The following STRN variants were observed in gnomAD, a reference collection of about 807,000 sequenced individuals.
STRN encodes striatin, also known as protein phosphatase 2 regulatory subunit B'''alpha.
Under a neutral mutation model 96.3 loss-of-function variants are expected in STRN, and 53 were observed. That is an observed-to-expected ratio of 0.55 (90% CI 0.44 to 0.69). The LOEUF (loss-of-function observed/expected upper bound fraction) is 0.69. Ranked by LOEUF, STRN falls within the 30% of genes least tolerant of loss-of-function variation. The pLI, the probability that STRN is intolerant of heterozygous loss-of-function variation, is 0.00. For missense variants in STRN, 987 were observed against 963.9 expected (o/e 1.02, Z -0.32); for synonymous variants, 428 against 355.9 (o/e 1.20, Z -2.28).
intron 1 of STRN, among the ~76,000 whole-genome samples, chr2:36,928,789 A>G (rs1670489981): frequency 6.9e-6 from 1 of 144,552 alleles, no homozygotes; most frequent in African/African-American, 2.6e-5. Flanking sequence ...CTAAAAATAC[A>G]AAAAAAAAAA....
intron 1 of STRN, among the ~76,000 whole-genome samples, chr2:36,947,235 T>A (rs1411533541): frequency 6.6e-6 from 1 of 152,110 alleles, no homozygotes; most frequent in Non-Finnish European, 1.5e-5. Flanking sequence ...AATAAATTCC[T>A]TAACTAGGAA....
intron 3 of STRN, among the ~76,000 whole-genome samples, chr2:36,909,763 A>G (rs1021035783): frequency 6.6e-6 from 1 of 152,244 alleles, no homozygotes; most frequent in African/African-American, 2.4e-5. Flanking sequence ...TTTAGAACCA[A>G]TGATAAAGAG....
At chr2:36,962,409 T>A (rs1665049881) in intron 1 of STRN, among the ~76,000 whole-genome samples, 1 of 152,172 alleles carries the variant, frequency 6.6e-6, no homozygotes, top group South Asian at 2.1e-4. Context: ...TTTATTTACA[T>A]GCCTGCTTTC....
intron 2 of STRN, among the ~76,000 whole-genome samples, chr2:36,924,351 G>C (rs1302830623): frequency 1.4e-5 from 1 of 73,758 alleles, no homozygotes. Context: ...GTGAGACTCC[G>C]TTTCAAAAAA....
At chr2:36,928,659 A>G (rs1163282794) in intron 1 of STRN, among the ~76,000 whole-genome samples, 1 of 147,462 alleles carries the variant, frequency 6.8e-6, no homozygotes, top group Non-Finnish European at 1.5e-5. Context: ...CTTAAAAAAA[A>G]AAAGGCAGGG....
intron 10 of STRN, among the ~76,000 whole-genome samples, chr2:36,870,265 T>C (rs908578743): frequency 6.7e-6 from 1 of 150,204 alleles, no homozygotes; most frequent in Non-Finnish European, 1.5e-5. Flanking sequence ...ACACATGTTC[T>C]TTCCCTCCAT....
chr2:36,925,688 G>C (rs1670390423), intron 1 of STRN, among the ~76,000 whole-genome samples: 1 of 152,086 alleles, frequency 6.6e-6, no homozygotes, highest in Non-Finnish European at 1.5e-5. Context: ...CAGGAGAATT[G>C]CTTGAACCCA....
At chr2:36,919,599 C>G (rs1670197132) in intron 2 of STRN, among the ~76,000 whole-genome samples, 1 of 152,058 alleles carries the variant, frequency 6.6e-6, no homozygotes, top group Non-Finnish European at 1.5e-5. Context: ...AAGAACTTTA[C>G]TAAGAACGTG....
At chr2:36,864,825 G>A (rs1668581004) in intron 12 of STRN, among the ~76,000 whole-genome samples, 1 of 152,146 alleles carries the variant, frequency 6.6e-6, no homozygotes, top group Non-Finnish European at 1.5e-5. Context: ...TGATTCTCCT[G>A]CCTCAGCCTC....
rs192361524 is a variant in STRN at position 36,942,826 on chromosome 2, G to C, written c.235-17618C>G. ...TTCTGATGACTCAGCCTTCTGAGTA[G>C]CTGGGATTACAGGCACGCAACACCA... On this transcript the variant is annotated intron_variant, in intron 1 of 17. Coordinates refer to ENST00000263918, the MANE Select transcript of STRN (RefSeq NM_003162.4). 6.2e-3 allele frequency among the ~76,000 whole-genome samples: 948 copies of C among 152,184 alleles called. 9 individuals carry two copies. Among genetic ancestry groups the C allele is most frequent in the African/African-American group, 0.02 (847 of 41,522 alleles).
At chr2:36,959,782 A>G (rs1348229454) in intron 1 of STRN, among the ~76,000 whole-genome samples, 1 of 152,202 alleles carries the variant, frequency 6.6e-6, no homozygotes, top group East Asian at 1.9e-4. Flanking sequence ...AACAGAAAAA[A>G]ACAACTAAAG....
In STRN at chr2:36,923,182, G is replaced by A. The variant is rs1326506517; in HGVS notation, c.338+1923C>T. On this transcript the variant is annotated intron_variant, in intron 2 of 17. Transcript: ENST00000263918. ...CTCAAATACTCGGCCAGGTACATTC[G>A]CTCACGCCTGTAATCCCAGCACTTT... Among the ~76,000 whole-genome samples, 8 of 149,666 alleles carry A rather than the reference G, an allele frequency of 5.3e-5. No homozygotes were observed. In the East Asian group the frequency reaches 1.4e-3, roughly 26 times the overall value.
chr2:36,930,799 G>A (rs1188879791), intron 1 of STRN, among the ~76,000 whole-genome samples: 4 of 152,104 alleles, frequency 2.6e-5, no homozygotes, highest in South Asian at 2.1e-4. Context: ...TTGGGAGGCC[G>A]AGACGGGTGG....
chr2:36,845,648 C>G lies in STRN; in HGVS notation c.*3808G>C, dbSNP rs903475769. 6.6e-6 allele frequency: 1 copy of G among 151,992 alleles called. No homozygotes were observed. The highest frequency in any genetic ancestry group is 2.1e-4 in the South Asian group (1 of 4,798). The allele number at this position is 151,992 out of a possible 1,614,324, so 9.4% of individuals were successfully genotyped here. On this transcript the variant is annotated 3_prime_UTR_variant, in exon 18 of 18. Transcript: ENST00000263918. ...TTACTTAGCCAACATTAATGAGATC[C>G]CATAATTTTGGTGAACAAATAATTT...
In STRN at chr2:36,948,081, C is replaced by CTTTTTTT. The variant is rs553351693; in HGVS notation, c.234+18142_234+18148dup. 1.1e-3 allele frequency among the ~76,000 whole-genome samples: 78 copies of CTTTTTTT among 68,138 alleles called. 16 individuals carry two copies. The highest frequency in any genetic ancestry group is 1.4e-3 in the African/African-American group (22 of 15,886). 44.7% of individuals were successfully genotyped at this position (68,138 alleles called of 152,430 possible). ...TCTCCTCTATAATTATCAGTGCACTCTTTTTTTTTTTTTTTTTTTTTTTTT... is the reference window on the plus strand; with the variant it reads ...TCTCCTCTATAATTATCAGTGCACTCTTTTTTTTTTTTTTTTTTTTTTTTTTTTTTTT... On this transcript the variant is annotated intron_variant, in intron 1 of 17. Transcript: ENST00000263918.
intron 10 of STRN, among the ~76,000 whole-genome samples, chr2:36,875,711 C>A (rs140693643): frequency 6.8e-6 from 1 of 147,470 alleles, no homozygotes; most frequent in Non-Finnish European, 1.5e-5. Context: ...CGCTGGAGTG[C>A]GGTGGCGCAA....
chr2:36,951,722 T>C (rs1329121421), intron 1 of STRN, among the ~76,000 whole-genome samples: 1 of 152,112 alleles, frequency 6.6e-6, no homozygotes, highest in African/African-American at 2.4e-5. Context: ...CTTAGAGAAA[T>C]AAAAATGCCC....
chr2:36,888,562 A>G (rs1157652971), intron 7 of STRN, among the ~76,000 whole-genome samples: 1 of 151,414 alleles, frequency 6.6e-6, no homozygotes, highest in Non-Finnish European at 1.5e-5. Context: ...CAATTCCCTC[A>G]TCACGTCTTT....
Position 36,886,714 on chromosome 2 carries a change from A to T in STRN, c.1042+2T>A. ...TTTACAGATACAATGTTTTCCACTTACTCTTCACCCCCTTTTTCCCCTTTC... is the reference window on the plus strand; with the variant it reads ...TTTACAGATACAATGTTTTCCACTTTCTCTTCACCCCCTTTTTCCCCTTTC... On this transcript the variant is annotated splice_donor_variant, in intron 8 of 17. Coordinates refer to ENST00000263918, the MANE Select transcript of STRN (RefSeq NM_003162.4). LOFTEE classifies it high-confidence loss of function. The T allele has an allele frequency of 6.3e-7, 1 of 1,593,462 alleles. No individual in the cohort carries two copies. The highest frequency in any genetic ancestry group is 8.6e-7 in the Non-Finnish European group (1 of 1,165,724).
Sources: gnomAD v4.1 joint callset for allele counts (sites outside exome capture counted in the v4.1 genomes callset) on GRCh38, gnomAD v4.1.1 for gene constraint, MANE v1.5 for transcripts, NCBI Gene and HGNC (gene_info 2026-07-23, HGNC 2026-07-21) for gene names.